Variants in RSRC1 observed in about 807,000 individuals in gnomAD.
RSRC1 encodes the protein arginine and serine rich coiled-coil 1.
A neutral mutation model predicts 49.1 loss-of-function variants in RSRC1; 39 were observed. That is an observed-to-expected ratio of 0.79 (90% CI 0.61 to 1.04). The LOEUF (loss-of-function observed/expected upper bound fraction) is 1.04. Among genes scored for constraint, RSRC1 ranks in the 50% least tolerant of loss-of-function variants. The pLI, the probability that RSRC1 is intolerant of heterozygous loss-of-function variation, is 0.00. For synonymous variants in RSRC1, 143 were observed against 130.8 expected, an observed-to-expected ratio of 1.09 and a Z score of -0.63; for missense variants, 388 against 402.4, an observed-to-expected ratio of 0.96 and a Z score of 0.31.
chr3:158,121,357 TATA>T (rs1267875298), intron 1 of RSRC1, among the ~76,000 whole-genome samples: 4 of 151,752 alleles, frequency 2.6e-5, no homozygotes, highest in East Asian at 1.9e-4. Flanking sequence ...CTGTTATAGA[TATA>T]ATATCTATTA....
At chr3:158,514,380 C>T (rs570424062) in intron 7 of RSRC1, among the ~76,000 whole-genome samples, 36 of 152,262 alleles carry the variant, frequency 2.4e-4, no homozygotes, top group African/African-American at 6.5e-4. Flanking sequence ...ATGTACCCAG[C>T]AGTCATTCAG....
intron 4 of RSRC1, among the ~76,000 whole-genome samples, chr3:158,211,190 T>A (rs1721653301): frequency 6.6e-6 from 1 of 151,800 alleles, no homozygotes; most frequent in Non-Finnish European, 1.5e-5. Flanking sequence ...AGGGAAAGAG[T>A]ACTGAGTTGT....
rs933264935 is a variant in RSRC1 at position 158,121,686 on chromosome 3, G to T, written c.-2-417G>T. On this transcript the variant is annotated intron_variant, in intron 1 of 9. Transcript: ENST00000611884. Reference sequence around the variant, plus strand: ...GAATGTGAGAATAAAGGAATAGTTGGTTGATTACTAAAGAAAATGTCATAT... The same window carrying T: ...GAATGTGAGAATAAAGGAATAGTTGTTTGATTACTAAAGAAAATGTCATAT... 3.0e-4 allele frequency among the ~76,000 whole-genome samples: 45 copies of T among 152,250 alleles called. 2 individuals are homozygous for T. In the South Asian group the frequency reaches 6.6e-3, roughly 22 times the overall value.
At chr3:158,122,651 A>C (rs1439057462) in intron 2 of RSRC1, among the ~76,000 whole-genome samples, 2 of 152,030 alleles carry the variant, frequency 1.3e-5, no homozygotes, top group Non-Finnish European at 2.9e-5. Context: ...ACATATGTAT[A>C]CATGTGCCAT....
chr3:158,296,356 G>A (rs1172678689), intron 4 of RSRC1, among the ~76,000 whole-genome samples: 1 of 151,804 alleles, frequency 6.6e-6, no homozygotes, highest in Non-Finnish European at 1.5e-5. Flanking sequence ...ACACACACGA[G>A]TGCATATCTT....
At chr3:158,319,154 C>T (rs752884092) in intron 5 of RSRC1, among the ~76,000 whole-genome samples, 4 of 152,048 alleles carry the variant, frequency 2.6e-5, no homozygotes, top group East Asian at 3.9e-4. Flanking sequence ...AATCTCATCT[C>T]GAATTGTAAT....
intron 6 of RSRC1, among the ~76,000 whole-genome samples, chr3:158,400,637 A>G (rs1733849306): frequency 6.6e-6 from 1 of 152,138 alleles, no homozygotes; most frequent in South Asian, 2.1e-4. Context: ...TTTTTAATAA[A>G]AAAGGTTAAC....
At chr3:158,320,044 T>C (rs920031317) in intron 5 of RSRC1, among the ~76,000 whole-genome samples, 2 of 152,204 alleles carry the variant, frequency 1.3e-5, no homozygotes, top group African/African-American at 4.8e-5. Flanking sequence ...AAAATAGCAT[T>C]GTTGTTAGAA....
intron 6 of RSRC1, among the ~76,000 whole-genome samples, chr3:158,404,599 T>C (rs1008666699): frequency 6.6e-6 from 1 of 151,944 alleles, no homozygotes; most frequent in Non-Finnish European, 1.5e-5. Flanking sequence ...GTAAATTTAC[T>C]GTAATTAGTT....
At position 158,298,046 on chromosome 3, in the gene RSRC1, G is replaced by A. The variant is rs776325065; in HGVS notation, c.502G>A (p.Gly168Arg). The change falls in exon 5 of 10, where the codon GGA becomes AGA. Residue 168 changes from glycine to arginine, a missense_variant. By Grantham distance (125) the Gly-to-Arg change is moderately radical. Transcript: ENST00000611884. ...TTTACTCTTCTATTTTAGGGAATCT[G>A]GAAACATCAAAGCTGGATTAGAACA... ...ELHNIKRGES[G>R]NIKAGLEHLP... 5.6e-6 allele frequency: 9 copies of A among 1,603,860 alleles called. No individual in the cohort carries two copies. The highest frequency in any genetic ancestry group is 7.7e-6 in the Non-Finnish European group (9 of 1,171,620).
intron 3 of RSRC1, among the ~76,000 whole-genome samples, chr3:158,146,163 A>C (rs147750803): frequency 0.65 from 97,839 of 151,624 alleles, 32,443 homozygotes; most frequent in African/African-American, 0.79. Flanking sequence ...TTCCAACACT[A>C]TGTTGAATAG....
At chr3:158,402,363 A>G (rs1733936678) in intron 6 of RSRC1, among the ~76,000 whole-genome samples, 1 of 151,846 alleles carries the variant, frequency 6.6e-6, no homozygotes, top group Non-Finnish European at 1.5e-5. Context: ...TCGTATGTCC[A>G]TATTTATACT....
At chr3:158,153,344 C>G (rs1290443259) in intron 3 of RSRC1, among the ~76,000 whole-genome samples, 2 of 152,108 alleles carry the variant, frequency 1.3e-5, no homozygotes, top group African/African-American at 4.8e-5. Flanking sequence ...TCCCACCCCC[C>G]TATTTATTGG....
At chr3:158,320,298 T>A (rs557386666) in intron 5 of RSRC1, among the ~76,000 whole-genome samples, 39 of 152,330 alleles carry the variant, frequency 2.6e-4, no homozygotes, top group African/African-American at 9.4e-4. Flanking sequence ...ACAAATTTTC[T>A]AATATAACCA....
intron 7 of RSRC1, 57 bp from the exon 8 acceptor site, chr3:158,537,035 G>A (rs991083291): frequency 1.0e-6 from 1 of 994,748 alleles, no homozygotes; most frequent in Non-Finnish European, 1.6e-6. Flanking sequence ...TTGCTTAGGT[G>A]TAGTGTTATT....
In RSRC1 at chr3:158,263,014, T is replaced by C. The variant is rs539413666; in HGVS notation, c.495-35025T>C. On this transcript the variant is annotated intron_variant, in intron 4 of 9. Transcript: ENST00000611884. Reference sequence around the variant, plus strand: ...CAGTTTTAATTCTTTCCAGTCTTGATGCCTTTTGTTTTTTCCTTGCCTGAT... The same window carrying C: ...CAGTTTTAATTCTTTCCAGTCTTGACGCCTTTTGTTTTTTCCTTGCCTGAT... Among the ~76,000 whole-genome samples the C allele has an allele frequency of 2.0e-5, 3 of 152,294 alleles. No homozygotes were observed. The East Asian group carries it at 5.8e-4, about 29-fold the overall frequency.
At chr3:158,297,515 T>C (rs1727299195) in intron 4 of RSRC1, among the ~76,000 whole-genome samples, 3 of 152,056 alleles carry the variant, frequency 2.0e-5, no homozygotes, top group South Asian at 4.1e-4. Context: ...CAGGAGAAAA[T>C]AGGATAAGAT....
chr3:158,531,387 A>T (rs1712393141), intron 7 of RSRC1, among the ~76,000 whole-genome samples: 3 of 152,100 alleles, frequency 2.0e-5, no homozygotes, highest in East Asian at 3.9e-4. Flanking sequence ...AATAAAGCTT[A>T]GCCTGATGCC....
intron 4 of RSRC1, among the ~76,000 whole-genome samples, chr3:158,262,997 A>T (rs1040399870): frequency 2.0e-5 from 3 of 152,048 alleles, no homozygotes; most frequent in Non-Finnish European, 4.4e-5. Context: ...GACAGTTTTA[A>T]TTCTTTCCAG....
Sources: gnomAD v4.1 joint callset for allele counts (sites outside exome capture counted in the v4.1 genomes callset) on GRCh38, gnomAD v4.1.1 for gene constraint, MANE v1.5 for transcripts, NCBI Gene and HGNC (gene_info 2026-07-23, HGNC 2026-07-21) for gene names.